FER: variants seen among roughly 807,000 people sequenced by gnomAD.
The protein encoded by FER is tyrosine-protein kinase Fer.
In FER, 63 loss-of-function variants were observed where a neutral mutation model predicts 111.0. That is an observed-to-expected ratio of 0.57 (90% CI 0.46 to 0.70). FER has a LOEUF of 0.70. FER is among the 30% of genes least tolerant of loss of function. The pLI is 0.00. For synonymous variants in FER, 327 were observed against 313.9 expected (o/e 1.04, Z -0.44); for missense variants, 914 against 954.0 (o/e 0.96, Z 0.55).
intron 13 of FER, among the ~76,000 whole-genome samples, chr5:109,009,278 T>G (rs1765929013): frequency 6.6e-6 from 1 of 151,992 alleles, no homozygotes; most frequent in Non-Finnish European, 1.5e-5. Flanking sequence ...TCAAGTGAAC[T>G]GCCCACCTCA....
chr5:108,856,755 A>G (rs893106757), intron 5 of FER, among the ~76,000 whole-genome samples: 1 of 152,228 alleles, frequency 6.6e-6, no homozygotes, highest in Middle Eastern at 3.4e-3. Flanking sequence ...TCTAAAGTAG[A>G]GTTAAATCTT....
chr5:108,926,220 C>G (rs1196853314), intron 10 of FER, among the ~76,000 whole-genome samples: 1 of 150,938 alleles, frequency 6.6e-6, no homozygotes, highest in Non-Finnish European at 1.5e-5. Context: ...TATTATCCTT[C>G]TTTAATATTT....
chr5:109,148,689 A>AC (rs2126677347), intron 17 of FER, among the ~76,000 whole-genome samples: 2 of 152,296 alleles, frequency 1.3e-5, no homozygotes, highest in Admixed American at 1.3e-4. Context: ...TCAAAGGGTT[A>AC]CCCCTCAGTT....
chr5:109,107,043 G>A (rs1025816101), intron 17 of FER, among the ~76,000 whole-genome samples: 34 of 152,106 alleles, frequency 2.2e-4, no homozygotes, highest in African/African-American at 7.5e-4. Context: ...GAGAGTGAGA[G>A]GAGAAGGAAT....
intron 16 of FER, among the ~76,000 whole-genome samples, chr5:109,072,210 G>A (rs567311686): frequency 1.3e-5 from 2 of 150,904 alleles, no homozygotes; most frequent in African/African-American, 4.9e-5. Flanking sequence ...TGCTACCTGA[G>A]TGCAATTAAA....
chr5:108,950,968 A>T (rs961590837), intron 11 of FER, among the ~76,000 whole-genome samples: 1 of 96,208 alleles, frequency 1.0e-5, no homozygotes, highest in African/African-American at 5.6e-5. Flanking sequence ...CTATGGAATT[A>T]AAAAAAAAAT....
At chr5:108,924,467 C>G (rs540282562) in intron 10 of FER, 1 of 475,874 alleles carries the variant, frequency 2.1e-6, no homozygotes, top group Non-Finnish European at 3.2e-6. Context: ...GAAAACGCAA[C>G]ATTTGTTGGC....
intron 13 of FER, among the ~76,000 whole-genome samples, chr5:109,016,541 G>C (rs1350055091): frequency 1.3e-5 from 2 of 151,930 alleles, no homozygotes; most frequent in African/African-American, 4.8e-5. Context: ...GTACTTTTTT[G>C]TGTCTCTGAT....
chr5:109,075,799 A>C (rs1776275662), intron 16 of FER, among the ~76,000 whole-genome samples: 1 of 152,200 alleles, frequency 6.6e-6, no homozygotes, highest in African/African-American at 2.4e-5. Context: ...AGCTAATCAT[A>C]GTTAGAGCTT....
At chr5:108,878,739 G>A (rs1220113969) in intron 8 of FER, among the ~76,000 whole-genome samples, 2 of 152,078 alleles carry the variant, frequency 1.3e-5, no homozygotes, top group East Asian at 3.8e-4. Context: ...TCATGCAAGT[G>A]AGGCACCTGA....
At chr5:109,172,033 G>C (rs1265849275) in intron 17 of FER, among the ~76,000 whole-genome samples, 4 of 152,174 alleles carry the variant, frequency 2.6e-5, no homozygotes. Context: ...TACACTGTTG[G>C]TGGGAAGGTA....
intron 17 of FER, among the ~76,000 whole-genome samples, chr5:109,156,028 C>T (rs1755337671): frequency 6.6e-6 from 1 of 152,012 alleles, no homozygotes. Context: ...AAATGAACTA[C>T]AGCCAAATCA....
At chr5:108,982,172 C>T (rs564108411) in intron 13 of FER, among the ~76,000 whole-genome samples, 2 of 152,050 alleles carry the variant, frequency 1.3e-5, no homozygotes, top group Non-Finnish European at 2.9e-5. Context: ...CAGCTTTCTG[C>T]GTTTTAATGA....
At chr5:108,887,358 C>T (rs1747336061) in intron 9 of FER, among the ~76,000 whole-genome samples, 1 of 151,372 alleles carries the variant, frequency 6.6e-6, no homozygotes. Context: ...TATGATAAAT[C>T]ATTTGATGGC....
intron 5 of FER, among the ~76,000 whole-genome samples, chr5:108,851,738 A>G (rs1580872157): frequency 6.6e-6 from 1 of 152,186 alleles, no homozygotes; most frequent in African/African-American, 2.4e-5. Context: ...AAAAATAACT[A>G]CCTTGTAATT....
At position 109,047,142 on chromosome 5, in the gene FER, T is replaced by C; in HGVS notation, c.1868T>C (p.Leu623Pro). The C allele has an allele frequency of 6.2e-7, 1 of 1,608,782 alleles. No individual in the cohort carries two copies. The highest frequency in any genetic ancestry group is 1.3e-5 in the African/African-American group (1 of 74,716). Residue 623 changes from leucine to proline, a missense_variant, in exon 16 of 20, where the codon CTT (leucine) becomes CCT (proline). Around this residue, in one of 3 missense-constraint regions of FER, gnomAD observed 774 missense variants for 782.6 expected, o/e 0.99. Transcript: ENST00000281092. Reference sequence around the variant, plus strand: ...TATGATCATCCCAATATTGTCAAACTTATAGGAGTTTGCACACAAAGACAG... The same window carrying C: ...TATGATCATCCCAATATTGTCAAACCTATAGGAGTTTGCACACAAAGACAG... ...KQYDHPNIVK[L>P]IGVCTQRQPV...
At chr5:108,980,767 C>T (rs1332160197) in intron 13 of FER, among the ~76,000 whole-genome samples, 2 of 152,116 alleles carry the variant, frequency 1.3e-5, no homozygotes, top group Non-Finnish European at 2.9e-5. Context: ...TGTCATAGTC[C>T]ATGAGTGATT....
At chr5:109,170,781 G>T (rs1005422726) in intron 17 of FER, among the ~76,000 whole-genome samples, 3 of 152,158 alleles carry the variant, frequency 2.0e-5, no homozygotes, top group African/African-American at 7.2e-5. Flanking sequence ...CTCTGAGTGT[G>T]ACTTGCATTC....
At chr5:108,804,449 A>C (rs1300438202) in intron 3 of FER, among the ~76,000 whole-genome samples, 1 of 152,142 alleles carries the variant, frequency 6.6e-6, no homozygotes, top group Non-Finnish European at 1.5e-5. Flanking sequence ...GCCGTTCAGT[A>C]TGATGTGGGC....
Sources: allele counts gnomAD v4.1 joint callset (sites outside exome capture counted in the v4.1 genomes callset), GRCh38; gene constraint gnomAD v4.1.1; regional missense constraint gnomAD v4.1.1; transcripts MANE v1.5; gene names NCBI Gene and HGNC (gene_info 2026-07-23, HGNC 2026-07-21).